The following RAD51B variants were observed in gnomAD, a reference collection of about 807,000 sequenced individuals.
RAD51B encodes RAD51 paralog B.
In RAD51B, 38 loss-of-function variants were observed where a neutral mutation model predicts 42.2. The observed-to-expected ratio is 0.90, with a 90% confidence interval of 0.70 to 1.18. The LOEUF is 1.18. Ranked by LOEUF, RAD51B falls within the 50% of genes most tolerant of loss-of-function variation. The pLI is 0.00. For missense variants in RAD51B, 373 were observed against 400.7 expected (o/e 0.93, Z 0.59); for synonymous variants, 154 against 145.2 (o/e 1.06, Z -0.43).
intron 4 of RAD51B, among the ~76,000 whole-genome samples, chr14:67,847,667 A>G (rs2041667063): frequency 6.6e-6 from 1 of 152,072 alleles, no homozygotes; most frequent in Non-Finnish European, 1.5e-5. Flanking sequence ...TCGATTTTTA[A>G]AAAAATTTAT....
intron 7 of RAD51B, among the ~76,000 whole-genome samples, chr14:68,002,016 T>A (rs2075494279): frequency 6.6e-6 from 1 of 152,178 alleles, no homozygotes; most frequent in South Asian, 2.1e-4. Flanking sequence ...TATGTATGTA[T>A]GTATCTTTAT....
At chr14:67,824,928 A>G (rs1368588981) in intron 2 of RAD51B, among the ~76,000 whole-genome samples, 1 of 151,760 alleles carries the variant, frequency 6.6e-6, no homozygotes, top group African/African-American at 2.4e-5. Flanking sequence ...AATAAAAAAA[A>G]TTAGCCAGGC....
intron 7 of RAD51B, among the ~76,000 whole-genome samples, chr14:68,180,976 C>T (rs2079051824): frequency 6.6e-6 from 1 of 152,200 alleles, no homozygotes; most frequent in Admixed American, 6.5e-5. Context: ...GGAAGGGAAG[C>T]AACAGCAGAG....
intron 8 of RAD51B, among the ~76,000 whole-genome samples, chr14:68,344,497 A>AAAAG (rs2082631986): frequency 1.3e-5 from 2 of 152,070 alleles, no homozygotes; most frequent in Non-Finnish European, 2.9e-5. Flanking sequence ...AGTACAAAAA[A>AAAAG]TTAGCACGGC....
intron 9 of RAD51B, among the ~76,000 whole-genome samples, chr14:68,458,977 G>A (rs145183354): frequency 1.3e-5 from 2 of 152,298 alleles, no homozygotes; most frequent in African/African-American, 4.8e-5. Flanking sequence ...AGGCTTCAGT[G>A]TTCCATGCAG....
chr14:67,989,882 C>T (rs1323973974), intron 7 of RAD51B, among the ~76,000 whole-genome samples: 1 of 152,020 alleles, frequency 6.6e-6, no homozygotes, highest in Non-Finnish European at 1.5e-5. Context: ...TTTTATTCCC[C>T]AGCAATGAGA....
intron 7 of RAD51B, among the ~76,000 whole-genome samples, chr14:68,111,676 C>A (rs1228559927): frequency 6.6e-6 from 1 of 152,014 alleles, no homozygotes; most frequent in Non-Finnish European, 1.5e-5. Context: ...CTTCCTTTGT[C>A]CAGTACCTCT....
intron 7 of RAD51B, among the ~76,000 whole-genome samples, chr14:68,082,976 A>G (rs1054791718): frequency 4.6e-5 from 7 of 152,324 alleles, no homozygotes; most frequent in African/African-American, 1.7e-4. Context: ...GGTAAAACCT[A>G]TATATTGGAA....
chr14:68,441,731 C>A (rs2085298095), intron 9 of RAD51B, among the ~76,000 whole-genome samples: 1 of 152,078 alleles, frequency 6.6e-6, no homozygotes, highest in Admixed American at 6.6e-5. Flanking sequence ...GACTCTGAGT[C>A]ACAGGTTCCC....
intron 8 of RAD51B, among the ~76,000 whole-genome samples, chr14:68,349,904 A>G (rs1289504638): frequency 6.6e-6 from 1 of 152,256 alleles, no homozygotes; most frequent in Non-Finnish European, 1.5e-5. Flanking sequence ...AGCTAGAAAG[A>G]AAACTATAAA....
intron 7 of RAD51B, among the ~76,000 whole-genome samples, chr14:68,100,545 G>A (rs964548180): frequency 6.6e-6 from 1 of 152,072 alleles, no homozygotes; most frequent in East Asian, 1.9e-4. Context: ...AGTGTGCAGT[G>A]AGTTGCCTTG....
At chr14:68,601,541 A>G (rs1189905967) in intron 10 of RAD51B, among the ~76,000 whole-genome samples, 3 of 152,194 alleles carry the variant, frequency 2.0e-5, no homozygotes, top group African/African-American at 4.8e-5. Flanking sequence ...ATTAAAGGAT[A>G]TCAGTTTGCT....
chr14:67,838,835 A>C (rs2041334553), intron 4 of RAD51B, among the ~76,000 whole-genome samples: 1 of 151,328 alleles, frequency 6.6e-6, no homozygotes, highest in South Asian at 2.1e-4. Flanking sequence ...TGTTTGCTGT[A>C]AGTAGATATC....
intron 10 of RAD51B, among the ~76,000 whole-genome samples, chr14:68,617,052 T>C (rs1891840677): frequency 2.0e-5 from 3 of 152,212 alleles, no homozygotes; most frequent in Non-Finnish European, 4.4e-5. Flanking sequence ...AACTCTGTCA[T>C]TTTCAGGCAT....
chr14:68,284,435 T>C (rs533794375), intron 7 of RAD51B, among the ~76,000 whole-genome samples: 128 of 152,368 alleles, frequency 8.4e-4, no homozygotes, highest in African/African-American at 2.2e-3. Context: ...ATATCTTTTG[T>C]GGACTCAACA....
intron 7 of RAD51B, among the ~76,000 whole-genome samples, chr14:68,178,268 G>C (rs1290430619): frequency 3.3e-5 from 5 of 152,270 alleles, no homozygotes; most frequent in Non-Finnish European, 5.9e-5. Context: ...CCAATTAGTT[G>C]AAATATTCTT....
chr14:68,158,750 G>A (rs1007847611), intron 7 of RAD51B, among the ~76,000 whole-genome samples: 2 of 152,246 alleles, frequency 1.3e-5, no homozygotes, highest in East Asian at 1.9e-4. Flanking sequence ...CTCTCCTGTC[G>A]ATTCTTCATT....
chr14:68,665,104 G>T (rs757901678), intron 11 of RAD51B, among the ~76,000 whole-genome samples: 2 of 152,208 alleles, frequency 1.3e-5, no homozygotes, highest in African/African-American at 2.4e-5. Context: ...TCTGTTGTTG[G>T]AATCTCTTGA....
chr14:68,163,769 T>C (rs772357207), intron 7 of RAD51B, among the ~76,000 whole-genome samples: 1 of 152,214 alleles, frequency 6.6e-6, no homozygotes. Context: ...AGGTCACCTA[T>C]TCATTGTTAA....
Sources: gnomAD v4.1 joint callset for allele counts (sites outside exome capture counted in the v4.1 genomes callset) on GRCh38, gnomAD v4.1.1 for gene constraint, MANE v1.5 for transcripts, NCBI Gene and HGNC (gene_info 2026-07-23, HGNC 2026-07-21) for gene names.